DRC8: variants seen among roughly 807,000 people sequenced by gnomAD.
The protein encoded by DRC8 is dynein regulatory complex protein 8.
the DRC8 span, among the ~76,000 whole-genome samples, chr1:245,071,483 G>A: frequency 6.6e-6 from 1 of 152,234 alleles, no homozygotes; most frequent in Non-Finnish European, 1.5e-5. Flanking sequence ...CAAGGAACTT[G>A]TCTGAATTGT....
At chr1:245,121,937 C>T in the DRC8 span, 80 of 417,560 alleles carry the variant, frequency 1.9e-4, 3 homozygotes, top group South Asian at 1.4e-3. Flanking sequence ...TTCGCTCCGT[C>T]GCCCAGGCTG....
At chr1:245,047,810 A>C in the DRC8 span, among the ~76,000 whole-genome samples, 1 of 151,842 alleles carries the variant, frequency 6.6e-6, no homozygotes, top group African/African-American at 2.4e-5. Context: ...CGTCTCTACT[A>C]AAAATAAAAA....
At chr1:245,106,980 G>GT in the DRC8 span, among the ~76,000 whole-genome samples, 1 of 152,190 alleles carries the variant, frequency 6.6e-6, no homozygotes, top group Non-Finnish European at 1.5e-5. Context: ...GGAGGCGGAG[G>GT]TTGCAGTGAG....
chr1:245,010,681 CTTTT>C, the DRC8 span, among the ~76,000 whole-genome samples: 4 of 127,220 alleles, frequency 3.1e-5, no homozygotes, highest in Non-Finnish European at 3.3e-5. Flanking sequence ...CTTTTTCTTT[CTTTT>C]TTTTTTTTTT....
At chr1:245,122,273 C>T in the DRC8 span, 1 of 166,890 alleles carries the variant, frequency 6.0e-6, no homozygotes, top group Non-Finnish European at 1.3e-5. Context: ...CATATTCATC[C>T]AAACATTTGC....
the DRC8 span, among the ~76,000 whole-genome samples, chr1:245,009,029 T>TA: frequency 9.6e-4 from 11 of 11,460 alleles, no homozygotes; most frequent in South Asian, 0.02. Flanking sequence ...TATGCTTTTC[T>TA]TTTTTTTTTT....
At chr1:245,064,066 TTTCA>T in the DRC8 span, among the ~76,000 whole-genome samples, 402 of 152,214 alleles carry the variant, frequency 2.6e-3, 1 homozygote, top group African/African-American at 9.2e-3. Flanking sequence ...AAAATTGAAT[TTTCA>T]TGGCTGCCAT....
At chr1:245,079,281 T>G in the DRC8 span, among the ~76,000 whole-genome samples, 2 of 152,192 alleles carry the variant, frequency 1.3e-5, no homozygotes, top group Non-Finnish European at 2.9e-5. Flanking sequence ...AAGATGGTCA[T>G]AATCATTTTT....
the DRC8 span, among the ~76,000 whole-genome samples, chr1:245,039,488 A>AGAG: frequency 2.1e-3 from 306 of 147,742 alleles, 4 homozygotes; most frequent in Middle Eastern, 6.9e-3. Context: ...AAAAAAAAAA[A>AGAG]AGAGTTTGTG....
At chr1:245,010,388 G>A in the DRC8 span, among the ~76,000 whole-genome samples, 1 of 152,174 alleles carries the variant, frequency 6.6e-6, no homozygotes, top group African/African-American at 2.4e-5. Flanking sequence ...ACTGGGTAAT[G>A]GTGCATTCTG....
At chr1:245,114,670 TA>T in the DRC8 span, among the ~76,000 whole-genome samples, 277 of 152,332 alleles carry the variant, frequency 1.8e-3, 1 homozygote, top group Non-Finnish European at 3.2e-3. Context: ...GCAGATTTTT[TA>T]TTTCATAAAA....
chr1:245,013,846 T>A, the DRC8 span, among the ~76,000 whole-genome samples: 1 of 151,552 alleles, frequency 6.6e-6, no homozygotes, highest in African/African-American at 2.4e-5. Flanking sequence ...GTCTGACCAA[T>A]ATGGTGAAAC....
chr1:245,083,048 A>C, the DRC8 span, among the ~76,000 whole-genome samples: 3 of 152,108 alleles, frequency 2.0e-5, no homozygotes, highest in African/African-American at 7.2e-5. Context: ...GGGGATCCCC[A>C]ACCACCAGGC....
chr1:245,093,697 C>T, the DRC8 span, among the ~76,000 whole-genome samples: 2 of 68,456 alleles, frequency 2.9e-5, no homozygotes, highest in Admixed American at 1.7e-4. Flanking sequence ...CTCCATCTCA[C>T]AAAAAAAAAA....
the DRC8 span, among the ~76,000 whole-genome samples, chr1:245,121,010 A>T: frequency 6.6e-5 from 10 of 152,234 alleles, no homozygotes; most frequent in Non-Finnish European, 1.3e-4. Flanking sequence ...TTCTACTTTT[A>T]AAATATTTAG....
chr1:245,081,516 T>G, the DRC8 span, among the ~76,000 whole-genome samples: 4 of 152,120 alleles, frequency 2.6e-5, no homozygotes, highest in Admixed American at 6.6e-5. Context: ...TTGCCCATAC[T>G]GGAGTACAGT....
the DRC8 span, among the ~76,000 whole-genome samples, chr1:245,109,507 G>A: frequency 2.0e-5 from 3 of 152,146 alleles, no homozygotes; most frequent in Non-Finnish European, 4.4e-5. Context: ...CCCTCATGCC[G>A]GTACGCCTGG....
At chr1:245,087,696 G>T in the DRC8 span, 1 of 1,025,858 alleles carries the variant, frequency 9.7e-7, no homozygotes. Flanking sequence ...CCAAGGTTTG[G>T]CATGTAAAGA....
the DRC8 span, among the ~76,000 whole-genome samples, chr1:245,099,673 C>T: frequency 6.6e-6 from 1 of 152,258 alleles, no homozygotes; most frequent in South Asian, 2.1e-4. Context: ...ACTCAAAGCA[C>T]ACGCTGATCG....
Sources: allele counts gnomAD v4.1 joint callset (sites outside exome capture counted in the v4.1 genomes callset), GRCh38; gene constraint gnomAD v4.1.1; transcripts MANE v1.5; gene names NCBI Gene and HGNC (gene_info 2026-07-23, HGNC 2026-07-21).